GRM1: variants seen among roughly 807,000 people sequenced by gnomAD.
The protein encoded by GRM1 is metabotropic glutamate receptor 1.
A neutral mutation model predicts 90.9 loss-of-function variants in GRM1; 33 were observed. The observed-to-expected ratio is 0.36, with a 90% CI of 0.28 to 0.49. The LOEUF (loss-of-function observed/expected upper bound fraction) is 0.49. Among genes scored for constraint, GRM1 ranks in the 20% least tolerant of loss-of-function variants. The pLI, the probability that GRM1 is intolerant of heterozygous loss-of-function variation, is 0.99. For synonymous variants in GRM1, 700 were observed against 613.2 expected (o/e 1.14, Z -2.09); for missense variants, 1,190 against 1,534.3 (o/e 0.78, Z 3.75).
intron 2 of GRM1, among the ~76,000 whole-genome samples, chr6:146,299,250 G>A (rs1455812762): frequency 1.3e-5 from 2 of 152,108 alleles, no homozygotes; most frequent in African/African-American, 2.4e-5. Flanking sequence ...ACATCACCGT[G>A]TGATAATTTA....
chr6:146,379,922 C>G (rs1049340206), intron 5 of GRM1, among the ~76,000 whole-genome samples: 3 of 141,230 alleles, frequency 2.1e-5, no homozygotes, highest in Admixed American at 7.1e-5. Context: ...CTCAAACATA[C>G]AGAGTCTGTC....
At chr6:146,108,932 TGA>T (rs545410614) in intron 1 of GRM1, among the ~76,000 whole-genome samples, 15 of 152,230 alleles carry the variant, frequency 9.9e-5, no homozygotes, top group African/African-American at 2.6e-4. Context: ...ACTTTGAATG[TGA>T]GAGAGATTTA....
intron 1 of GRM1, among the ~76,000 whole-genome samples, chr6:146,111,753 A>C (rs1775568914): frequency 6.6e-6 from 1 of 152,226 alleles, no homozygotes; most frequent in Non-Finnish European, 1.5e-5. Flanking sequence ...AGCAGTAATT[A>C]GGAGTTTGGG....
chr6:146,199,269 C>T (rs187498815), intron 2 of GRM1, among the ~76,000 whole-genome samples: 133 of 152,246 alleles, frequency 8.7e-4, no homozygotes, highest in Admixed American at 1.4e-3. Context: ...CTCTTTATTC[C>T]TTTCTCTGTC....
intron 2 of GRM1, among the ~76,000 whole-genome samples, chr6:146,217,781 A>G (rs1008862280): frequency 1.3e-5 from 2 of 152,198 alleles, no homozygotes; most frequent in Admixed American, 1.3e-4. Flanking sequence ...ATTAATAGGT[A>G]CAAGTAAAAC....
intron 5 of GRM1, among the ~76,000 whole-genome samples, chr6:146,379,703 T>C (rs1489427953): frequency 6.6e-6 from 1 of 152,146 alleles, no homozygotes; most frequent in Non-Finnish European, 1.5e-5. Context: ...CTGGGCTTAT[T>C]TGTAACCATC....
intron 7 of GRM1, among the ~76,000 whole-genome samples, chr6:146,419,983 C>A (rs1249238209): frequency 6.6e-6 from 1 of 152,148 alleles, no homozygotes; most frequent in East Asian, 1.9e-4. Flanking sequence ...AACAGGAAAT[C>A]TTTTGGTCAC....
chr6:146,048,013 T>G (rs1230837050), intron 1 of GRM1, among the ~76,000 whole-genome samples: 1 of 151,988 alleles, frequency 6.6e-6, no homozygotes, highest in Non-Finnish European at 1.5e-5. Flanking sequence ...TCAGCCTTAG[T>G]GAACACATTC....
At chr6:146,174,770 A>G (rs945238225) in intron 2 of GRM1, among the ~76,000 whole-genome samples, 1 of 152,190 alleles carries the variant, frequency 6.6e-6, no homozygotes, top group African/African-American at 2.4e-5. Context: ...CTTTCTGTGG[A>G]GAAAGACTTG....
rs905852191 is a variant in GRM1, at chr6:146,185,055, A to G, written c.950+25458A>G. Among the ~76,000 whole-genome samples the G allele has an allele frequency of 9.2e-5, 14 of 152,342 alleles. No homozygotes were observed. In the East Asian group the frequency reaches 2.7e-3, roughly 29 times the overall value. The stretch of plus-strand genomic sequence containing the variant: ...AAAAGGTCAGCTTATTTTTATTTCC[A>G]TGCGCACAATACATTAACCTCTTTA... On this transcript the variant is annotated intron_variant, in intron 2 of 7. Coordinates refer to ENST00000282753, the MANE Select transcript of GRM1 (RefSeq NM_001278064.2).
chr6:146,358,910 T>C (rs1190039166), intron 5 of GRM1, among the ~76,000 whole-genome samples: 2 of 152,198 alleles, frequency 1.3e-5, no homozygotes, highest in East Asian at 3.9e-4. Flanking sequence ...AGAAGTTATA[T>C]TAAAAATATT....
intron 3 of GRM1, among the ~76,000 whole-genome samples, chr6:146,327,009 G>A (rs1784420427): frequency 6.6e-6 from 1 of 152,132 alleles, no homozygotes; most frequent in Non-Finnish European, 1.5e-5. Context: ...AAATAGAATA[G>A]AGTTTCTATA....
At chr6:146,205,321 C>T (rs1284988298) in intron 2 of GRM1, among the ~76,000 whole-genome samples, 1 of 152,052 alleles carries the variant, frequency 6.6e-6, no homozygotes, top group Non-Finnish European at 1.5e-5. Context: ...AGATAATGTT[C>T]ATTTTATGGA....
chr6:146,415,005 T>C (rs1777725173), intron 7 of GRM1, among the ~76,000 whole-genome samples: 1 of 152,246 alleles, frequency 6.6e-6, no homozygotes, highest in Non-Finnish European at 1.5e-5. Context: ...GCATTATTAC[T>C]GTACTACATC....
chr6:146,152,544 G>T (rs1425241819), intron 1 of GRM1, among the ~76,000 whole-genome samples: 2 of 152,004 alleles, frequency 1.3e-5, no homozygotes, highest in East Asian at 3.9e-4. Flanking sequence ...TAAGATCCTA[G>T]ATCCACCACT....
At chr6:146,253,388 G>C (rs1463061888) in intron 2 of GRM1, among the ~76,000 whole-genome samples, 5 of 152,076 alleles carry the variant, frequency 3.3e-5, no homozygotes, top group Admixed American at 6.6e-5. Flanking sequence ...TGCGTGTTTT[G>C]GGGGGAGATT....
chr6:146,311,358 T>G (rs977397707), intron 3 of GRM1, among the ~76,000 whole-genome samples: 3 of 152,212 alleles, frequency 2.0e-5, no homozygotes, highest in African/African-American at 7.2e-5. Context: ...TTTATGGGAA[T>G]AGGTTTTACA....
intron 3 of GRM1, among the ~76,000 whole-genome samples, chr6:146,333,796 G>T (rs1004085769): frequency 6.6e-6 from 1 of 151,950 alleles, no homozygotes. Context: ...TGAAAAACCT[G>T]GACCTAGAAA....
rs181396655 is a variant in GRM1, at chr6:146,200,714, G to A, written c.950+41117G>A. Among the ~76,000 whole-genome samples the A allele has an allele frequency of 2.8e-3, 431 of 152,244 alleles. 3 individuals carry two copies. Among genetic ancestry groups the A allele is most frequent in the African/African-American group, 9.6e-3 (398 of 41,536 alleles). ...AAAATAATTTTTTGGTGGGGGGGAT[G>A]GTGAAAGCATATGAAGGATAAGGGG... On this transcript the variant is annotated intron_variant, in intron 2 of 7. Coordinates refer to ENST00000282753, the MANE Select transcript of GRM1 (RefSeq NM_001278064.2).
Sources: allele counts gnomAD v4.1 joint callset (sites outside exome capture counted in the v4.1 genomes callset), GRCh38; gene constraint gnomAD v4.1.1; transcripts MANE v1.5; gene names NCBI Gene and HGNC (gene_info 2026-07-23, HGNC 2026-07-21).